SYCP2L: variants seen among roughly 807,000 people sequenced by gnomAD.
The protein encoded by SYCP2L is synaptonemal complex protein 2-like.
SYCP2L carries 98 observed loss-of-function variants against 125.8 expected under a neutral mutation model. The ratio of observed to expected loss-of-function variants is 0.78; its 90% CI spans 0.66 to 0.92. The LOEUF (loss-of-function observed/expected upper bound fraction) is 0.92, where lower values mean the gene tolerates loss of function less well. SYCP2L is among the 40% of genes least tolerant of loss of function. The probability of loss-of-function intolerance (pLI) is 0.00; values close to 1 mark genes in which losing one functional copy is unlikely to be tolerated. For synonymous variants in SYCP2L, 317 were observed against 325.4 expected, an observed-to-expected ratio of 0.97 and a Z score of 0.28; for missense variants, 842 against 936.4, an observed-to-expected ratio of 0.90 and a Z score of 1.32.
At chr6:10,948,761 AG>A (rs1460969518) in intron 23 of SYCP2L, among the ~76,000 whole-genome samples, 1 of 152,140 alleles carries the variant, frequency 6.6e-6, no homozygotes, top group Admixed American at 6.6e-5. Context: ...TTGCTGGAAA[AG>A]TTTATATATG....
At chr6:10,931,730 C>T (rs955203879) in intron 20 of SYCP2L, among the ~76,000 whole-genome samples, 1 of 152,078 alleles carries the variant, frequency 6.6e-6, no homozygotes, top group Non-Finnish European at 1.5e-5. Flanking sequence ...TTTGGGATGC[C>T]AAGGCGGGTG....
intron 28 of SYCP2L, among the ~76,000 whole-genome samples, chr6:10,962,593 T>G (rs1781613663): frequency 6.6e-6 from 1 of 152,202 alleles, no homozygotes; most frequent in African/African-American, 2.4e-5. Context: ...TGTGAATATT[T>G]TTCATATTAA....
At chr6:10,965,381 T>C (rs1007805094) in intron 29 of SYCP2L, among the ~76,000 whole-genome samples, 2 of 152,190 alleles carry the variant, frequency 1.3e-5, no homozygotes, top group Non-Finnish European at 2.9e-5. Flanking sequence ...ATGGATGGTG[T>C]TGCCAGTTAG....
chr6:10,927,730 A>G (rs1442083192), intron 17 of SYCP2L, among the ~76,000 whole-genome samples: 1 of 152,160 alleles, frequency 6.6e-6, no homozygotes, highest in Non-Finnish European at 1.5e-5. Flanking sequence ...AGGGTTTGAG[A>G]GCAACCGGTC....
chr6:10,935,582 T>C (rs1053256740), intron 21 of SYCP2L, among the ~76,000 whole-genome samples: 1 of 152,054 alleles, frequency 6.6e-6, no homozygotes, highest in African/African-American at 2.4e-5. Flanking sequence ...TGGAGTGCAA[T>C]GGTGTGCTCC....
At chr6:10,909,146 CAG>C (rs1484269676) in intron 10 of SYCP2L, among the ~76,000 whole-genome samples, 1 of 67,340 alleles carries the variant, frequency 1.5e-5, no homozygotes, top group African/African-American at 7.9e-5. Context: ...TTTTTTGAGA[CAG>C]AGTTTCTTTC....
intron 14 of SYCP2L, among the ~76,000 whole-genome samples, chr6:10,920,451 A>C (rs1215905564): frequency 6.6e-6 from 1 of 152,164 alleles, no homozygotes; most frequent in Non-Finnish European, 1.5e-5. Context: ...TCCTGACCTC[A>C]AGTGATCCAA....
chr6:10,892,536 C>T (rs1030579628), intron 2 of SYCP2L, among the ~76,000 whole-genome samples: 2 of 152,190 alleles, frequency 1.3e-5, no homozygotes, highest in African/African-American at 2.4e-5. Context: ...TGGGCTTAAG[C>T]GATCCTCTTG....
At chr6:10,935,016 T>TA (rs1312448968) in intron 20 of SYCP2L, 42 bp from the exon 21 acceptor site, 1 of 1,501,832 alleles carries the variant, frequency 6.7e-7, no homozygotes, top group Admixed American at 2.3e-5. Context: ...AACTTGTTTT[T>TA]AATTATGAAT....
intron 9 of SYCP2L, 117 bp from the exon 10 acceptor site, chr6:10,907,425 A>T: frequency 1.1e-6 from 1 of 876,126 alleles, no homozygotes; most frequent in Non-Finnish European, 1.7e-6. Context: ...ACTTTTTAAG[A>T]CACAATGCTA....
chr6:10,894,806 G>C (rs1780229665), intron 4 of SYCP2L, among the ~76,000 whole-genome samples: 1 of 152,162 alleles, frequency 6.6e-6, no homozygotes, highest in Non-Finnish European at 1.5e-5. Flanking sequence ...CGCTCTTTTA[G>C]TGGTGAGGTT....
rs1201287381 is a variant in SYCP2L, at chr6:10,964,072, C to A, written c.*37+229C>A. Among the ~76,000 whole-genome samples the A allele has an allele frequency of 2.0e-5, 3 of 152,102 alleles. No homozygotes were observed. In the East Asian group the frequency reaches 5.8e-4, roughly 29 times the overall value. Reference sequence around the variant, plus strand: ...TCCCAGGTTCACGCCATTCTCCTGCCTCAGCCTCCTGAGTAGCTGGGACTA... The same window carrying A: ...TCCCAGGTTCACGCCATTCTCCTGCATCAGCCTCCTGAGTAGCTGGGACTA... On this transcript the variant is annotated intron_variant, in intron 29 of 29. Transcript: ENST00000283141.
In SYCP2L at chr6:10,902,598, G is replaced by A. The variant is rs187617332; in HGVS notation, c.467-79G>A. On this transcript the variant is annotated intron_variant, in intron 6 of 29. Coordinates refer to ENST00000283141, the MANE Select transcript of SYCP2L (RefSeq NM_001040274.3). The stretch of plus-strand genomic sequence containing the variant: ...GAAAAGCCAGAACGACATCCTTAGT[G>A]AAAAGCTCTGACCGTGTGTAGGAGT... 6 of 1,210,862 alleles carry A rather than the reference G, an allele frequency of 5.0e-6. No homozygotes were observed. The East Asian group carries it at 1.2e-4, about 24-fold the overall frequency. 75.0% of individuals were successfully genotyped at this position (1,210,862 alleles called of 1,614,324 possible).
chr6:10,942,849 G>T, intron 23 of SYCP2L, 103 bp downstream of exon 23: 1 of 1,039,006 alleles, frequency 9.6e-7, no homozygotes. Flanking sequence ...AAGTCACTTT[G>T]CACAGTGACT....
At chr6:10,950,476 G>A (rs1184681483) in intron 23 of SYCP2L, among the ~76,000 whole-genome samples, 1 of 151,886 alleles carries the variant, frequency 6.6e-6, no homozygotes, top group African/African-American at 2.4e-5. Flanking sequence ...TTTCCTCCTG[G>A]TATCACTGTC....
intron 14 of SYCP2L, among the ~76,000 whole-genome samples, chr6:10,919,260 G>T (rs1442190450): frequency 1.3e-5 from 2 of 152,288 alleles, no homozygotes; most frequent in East Asian, 3.9e-4. Flanking sequence ...TTTGTCCCAT[G>T]GGGTGTGCCC....
intron 23 of SYCP2L, among the ~76,000 whole-genome samples, chr6:10,950,844 A>G (rs1781398496): frequency 6.6e-6 from 1 of 152,160 alleles, no homozygotes; most frequent in Non-Finnish European, 1.5e-5. Context: ...TAATTTTCGT[A>G]GAGACAGGGA....
At chr6:10,949,721 C>CT (rs33952119) in intron 23 of SYCP2L, among the ~76,000 whole-genome samples, 49,587 of 121,340 alleles carry the variant, frequency 0.41, 10,766 homozygotes, top group Non-Finnish European at 0.45. Context: ...CCTGATACAT[C>CT]TTTTTTTTTT....
In SYCP2L at chr6:10,925,983, C is replaced by G. The variant is rs1319131464; in HGVS notation, c.1219-356C>G. 2.0e-5 allele frequency among the ~76,000 whole-genome samples: 3 copies of G among 152,080 alleles called. No individual in the cohort carries two copies. The East Asian group carries it at 5.8e-4, about 29-fold the overall frequency. ...TAGGGAAAGGGGTTGGACTGAGGAC[C>G]CTATAGTTGGGAACTCACTACAGAC... is the stretch of plus-strand genomic sequence containing the variant. On this transcript the variant is annotated intron_variant, in intron 15 of 29. Coordinates refer to ENST00000283141, the MANE Select transcript of SYCP2L (RefSeq NM_001040274.3).
Sources: allele counts gnomAD v4.1 joint callset (sites outside exome capture counted in the v4.1 genomes callset), GRCh38; gene constraint gnomAD v4.1.1; transcripts MANE v1.5; gene names NCBI Gene and HGNC (gene_info 2026-07-23, HGNC 2026-07-21).